ZBTB16: variants seen among roughly 807,000 people sequenced by gnomAD.
ZBTB16 encodes the protein zinc finger and BTB domain-containing protein 16.
ZBTB16 carries 8 observed loss-of-function variants against 56.8 expected under a neutral mutation model. That is an observed-to-expected ratio of 0.14 (90% CI 0.08 to 0.25). The LOEUF is 0.25. Among genes scored for constraint, ZBTB16 ranks in the 10% least tolerant of loss-of-function variants. ZBTB16 has a pLI of 1.00. For missense variants in ZBTB16, 625 were observed against 903.0 expected (o/e 0.69, Z 3.95); for synonymous variants, 363 against 368.5 (o/e 0.98, Z 0.17).
intron 2 of ZBTB16, among the ~76,000 whole-genome samples, chr11:114,151,981 T>C (rs895233146): frequency 1.3e-5 from 2 of 152,230 alleles, no homozygotes; most frequent in African/African-American, 4.8e-5. Context: ...AGGCTTACCC[T>C]GAAGATGACA....
At chr11:114,181,700 G>T (rs1372532158) in intron 3 of ZBTB16, among the ~76,000 whole-genome samples, 6 of 152,104 alleles carry the variant, frequency 3.9e-5, no homozygotes, top group Admixed American at 3.9e-4. Flanking sequence ...GTGGGATCTC[G>T]TGCCTGCACC....
intron 2 of ZBTB16, among the ~76,000 whole-genome samples, chr11:114,092,250 A>G (rs1387945430): frequency 1.3e-5 from 2 of 152,220 alleles, no homozygotes; most frequent in African/African-American, 2.4e-5. Flanking sequence ...CACCCGGAGC[A>G]CTGAAGGGGC....
intron 4 of ZBTB16, among the ~76,000 whole-genome samples, chr11:114,199,748 A>G (rs190133517): frequency 6.6e-6 from 1 of 152,302 alleles, no homozygotes; most frequent in Non-Finnish European, 1.5e-5. Context: ...TCTTGCATTG[A>G]TGGTCTGTAT....
chr11:114,141,684 C>T (rs910180450), intron 2 of ZBTB16, among the ~76,000 whole-genome samples: 8 of 152,130 alleles, frequency 5.3e-5, no homozygotes, highest in Non-Finnish European at 1.2e-4. Context: ...AATTGGCAGA[C>T]AGGGCTTGTG....
chr11:114,230,099 C>G (rs966088045), intron 4 of ZBTB16, among the ~76,000 whole-genome samples: 10 of 152,084 alleles, frequency 6.6e-5, no homozygotes, highest in African/African-American at 2.4e-4. Context: ...TGGGTGTGTC[C>G]TCTTTCTACT....
intron 3 of ZBTB16, among the ~76,000 whole-genome samples, chr11:114,172,251 C>A (rs1047808931): frequency 6.6e-6 from 1 of 152,162 alleles, no homozygotes; most frequent in Non-Finnish European, 1.5e-5. Context: ...TTGTCCTGGG[C>A]AAGGCAGAAG....
intron 2 of ZBTB16, among the ~76,000 whole-genome samples, chr11:114,138,278 C>T (rs898268523): frequency 1.3e-5 from 2 of 152,068 alleles, no homozygotes; most frequent in Admixed American, 6.5e-5. Context: ...CAGTGGAGGC[C>T]AGGAGAGGAT....
chr11:114,167,216 G>GGTTTTTTTTTTTTGT (rs1942782751), intron 3 of ZBTB16, among the ~76,000 whole-genome samples: 2 of 79,940 alleles, frequency 2.5e-5, no homozygotes, highest in South Asian at 5.6e-4. Flanking sequence ...TGGATTTGTG[G>GGTTTTTTTTTTTTGT]TTTTTTTTTT....
intron 4 of ZBTB16, among the ~76,000 whole-genome samples, chr11:114,205,652 CAG>C (rs1176288649): frequency 6.6e-6 from 1 of 152,162 alleles, no homozygotes; most frequent in Non-Finnish European, 1.5e-5. Flanking sequence ...CACAGGACTC[CAG>C]AGAGTTTTAA....
At position 114,177,571 on chromosome 11, in the gene ZBTB16, G is replaced by A. The variant is rs143615771; in HGVS notation, c.1367-9381G>A. Reference sequence around the variant, plus strand: ...CCGGCCCGGGACTTCATTTTGAGGGGGCCTGACCGTTAACCTCCGAGAGAT... The same window carrying A: ...CCGGCCCGGGACTTCATTTTGAGGGAGCCTGACCGTTAACCTCCGAGAGAT... On this transcript the variant is annotated intron_variant, in intron 3 of 6. Transcript: ENST00000335953. Among the ~76,000 whole-genome samples the A allele has an allele frequency of 3.1e-3, 465 of 152,170 alleles. 2 individuals are homozygous for A. Among genetic ancestry groups the A allele is most frequent in the African/African-American group, 0.011 (448 of 41,520 alleles).
chr11:114,094,996 G>A (rs1438406903), intron 2 of ZBTB16, among the ~76,000 whole-genome samples: 1 of 152,236 alleles, frequency 6.6e-6, no homozygotes, highest in African/African-American at 2.4e-5. Context: ...CATAGAAGCT[G>A]GGGGCCTGTC....
intron 3 of ZBTB16, among the ~76,000 whole-genome samples, chr11:114,184,020 C>T (rs1162461185): frequency 6.6e-6 from 1 of 152,236 alleles, no homozygotes. Flanking sequence ...TCCCTGCCTC[C>T]AGGTGAAATT....
chr11:114,211,225 A>G (rs444146), intron 4 of ZBTB16, among the ~76,000 whole-genome samples: 79,046 of 152,062 alleles, frequency 0.52, 23,521 homozygotes, highest in South Asian at 0.69. Flanking sequence ...GTGACCTAAA[A>G]GTGCAGATTG....
chr11:114,144,600 C>A (rs907931459), intron 2 of ZBTB16, among the ~76,000 whole-genome samples: 6 of 152,238 alleles, frequency 3.9e-5, no homozygotes, highest in Non-Finnish European at 5.9e-5. Flanking sequence ...GGACACCATG[C>A]CCACTCTAAC....
intron 2 of ZBTB16, among the ~76,000 whole-genome samples, chr11:114,091,187 A>C (rs1219560923): frequency 6.6e-6 from 1 of 152,140 alleles, no homozygotes; most frequent in Non-Finnish European, 1.5e-5. Flanking sequence ...CCTCTCTAAA[A>C]AAATATAAAA....
At chr11:114,086,518 A>G (rs1219532876) in intron 2 of ZBTB16, among the ~76,000 whole-genome samples, 1 of 152,190 alleles carries the variant, frequency 6.6e-6, no homozygotes, top group Non-Finnish European at 1.5e-5. Flanking sequence ...CCTAAGTTCC[A>G]TGAGGATAGT....
chr11:114,208,949 G>A (rs1286830535), intron 4 of ZBTB16, among the ~76,000 whole-genome samples: 1 of 152,194 alleles, frequency 6.6e-6, no homozygotes, highest in East Asian at 1.9e-4. Context: ...AACCATTCCA[G>A]ATCCATAACC....
intron 3 of ZBTB16, among the ~76,000 whole-genome samples, chr11:114,169,670 C>T (rs777965237): frequency 5.3e-5 from 8 of 152,126 alleles, no homozygotes; most frequent in African/African-American, 1.7e-4. Context: ...GAGGGTGACA[C>T]GAGCCCCCTG....
intron 6 of ZBTB16, among the ~76,000 whole-genome samples, chr11:114,249,385 G>A (rs1944875013): frequency 6.7e-6 from 1 of 149,218 alleles, no homozygotes; most frequent in Non-Finnish European, 1.5e-5. Context: ...TTGAACCCGG[G>A]AGGCAGAGGT....
Sources: allele counts gnomAD v4.1 joint callset (sites outside exome capture counted in the v4.1 genomes callset), GRCh38; gene constraint gnomAD v4.1.1; transcripts MANE v1.5; gene names NCBI Gene and HGNC (gene_info 2026-07-23, HGNC 2026-07-21).